Variants in ADK observed in about 807,000 individuals in gnomAD.
ADK encodes N6,N6-dimethyladenosine kinase.
In ADK, 24 loss-of-function variants were observed where a neutral mutation model predicts 44.7. That is an observed-to-expected ratio of 0.54 (90% CI 0.39 to 0.76). The LOEUF is 0.76. ADK is among the 30% of genes least tolerant of loss of function. ADK has a pLI of 0.00. For missense variants in ADK, 321 were observed against 425.1 expected (o/e 0.76, Z 2.15); for synonymous variants, 128 against 142.6 (o/e 0.90, Z 0.73).
intron 6 of ADK, among the ~76,000 whole-genome samples, chr10:74,469,410 G>A (rs2133283553): frequency 6.6e-6 from 1 of 152,062 alleles, no homozygotes; most frequent in Middle Eastern, 3.4e-3. Context: ...CCCAGAACTG[G>A]AGTGTAGTAG....
At chr10:74,238,511 C>CT (rs1460180420) in intron 3 of ADK, among the ~76,000 whole-genome samples, 1 of 151,940 alleles carries the variant, frequency 6.6e-6, no homozygotes. Context: ...TCCTAATTAC[C>CT]TTGTGCACTA....
chr10:74,195,707 C>CTTTTTTTTTTTTTTTTTTTTTTCT, intron 1 of ADK, among the ~76,000 whole-genome samples: 1 of 97,526 alleles, frequency 1.0e-5, no homozygotes, highest in Non-Finnish European at 1.9e-5. Flanking sequence ...TCTTTTCTTT[C>CTTTTTTTTTTTTTTTTTTTTTTCT]TTTTTTTTTT....
At chr10:74,509,196 ATTT>A (rs11431842) in intron 6 of ADK, among the ~76,000 whole-genome samples, 2 of 144,666 alleles carry the variant, frequency 1.4e-5, no homozygotes, top group Admixed American at 6.9e-5. Flanking sequence ...ATACATTATG[ATTT>A]TTTTTTTTTT....
intron 6 of ADK, among the ~76,000 whole-genome samples, chr10:74,504,933 G>T (rs1219118315): frequency 6.6e-6 from 1 of 152,088 alleles, no homozygotes; most frequent in Non-Finnish European, 1.5e-5. Flanking sequence ...GTCTTGGGCA[G>T]TTCTTTATAG....
intron 6 of ADK, among the ~76,000 whole-genome samples, chr10:74,475,172 T>C (rs1183526332): frequency 6.6e-6 from 1 of 152,030 alleles, no homozygotes. Flanking sequence ...CAAAAAACCC[T>C]TAATTGTCAT....
chr10:74,415,253 A>C (rs1844329324), intron 6 of ADK, among the ~76,000 whole-genome samples: 1 of 152,250 alleles, frequency 6.6e-6, no homozygotes, highest in African/African-American at 2.4e-5. Context: ...CAAATCATCT[A>C]CTGAAATATT....
chr10:74,567,138 T>C (rs186965302), intron 7 of ADK, among the ~76,000 whole-genome samples: 24 of 152,358 alleles, frequency 1.6e-4, no homozygotes, highest in African/African-American at 5.8e-4. Flanking sequence ...CAGGACTCTT[T>C]CTTTTTATCT....
At chr10:74,456,256 G>A (rs12268312) in intron 6 of ADK, among the ~76,000 whole-genome samples, 6,910 of 151,948 alleles carry the variant, frequency 0.045, 544 homozygotes, top group African/African-American at 0.16. Flanking sequence ...GCACCACATC[G>A]CCCTTACTCT....
At chr10:74,541,419 G>T (rs1849621426) in intron 7 of ADK, among the ~76,000 whole-genome samples, 1 of 152,050 alleles carries the variant, frequency 6.6e-6, no homozygotes, top group South Asian at 2.1e-4. Flanking sequence ...TCCAGTCCAG[G>T]TTGCTCACAT....
chr10:74,391,201 T>C (rs12265663), intron 4 of ADK, among the ~76,000 whole-genome samples: 6,849 of 152,258 alleles, frequency 0.045, 544 homozygotes, highest in African/African-American at 0.16. Context: ...TTATTTGCAT[T>C]ATTTTTTCTA....
chr10:74,631,277 TA>T (rs1349177259), intron 9 of ADK, among the ~76,000 whole-genome samples: 6 of 136,586 alleles, frequency 4.4e-5, no homozygotes, highest in Admixed American at 3.0e-4. Flanking sequence ...ATGATTTATT[TA>T]TTTTTTTTTT....
intron 4 of ADK, among the ~76,000 whole-genome samples, chr10:74,352,374 G>A (rs1161710401): frequency 6.6e-6 from 1 of 152,196 alleles, no homozygotes; most frequent in Non-Finnish European, 1.5e-5. Flanking sequence ...CTAGCCATAT[G>A]CAGAAAATTG....
chr10:74,610,617 ATAACC>A (rs745934075), intron 9 of ADK, among the ~76,000 whole-genome samples: 6 of 152,170 alleles, frequency 3.9e-5, no homozygotes, highest in Non-Finnish European at 8.8e-5. Flanking sequence ...AAAATTAAAC[ATAACC>A]TAAAGAGTAA....
intron 6 of ADK, among the ~76,000 whole-genome samples, chr10:74,474,431 CTTTTCTTTT>C (rs1196875686): frequency 6.6e-6 from 1 of 151,838 alleles, no homozygotes; most frequent in Non-Finnish European, 1.5e-5. Context: ...ATTCAGTAGT[CTTTTCTTTT>C]CTTTCTTTCT....
At chr10:74,407,402 A>G (rs948391658) in intron 6 of ADK, among the ~76,000 whole-genome samples, 2 of 152,138 alleles carry the variant, frequency 1.3e-5, no homozygotes, top group Admixed American at 6.5e-5. Context: ...TACTCATGCC[A>G]TATCTCTACA....
chr10:74,598,349 A>G (rs962928856), intron 8 of ADK, among the ~76,000 whole-genome samples: 1 of 151,942 alleles, frequency 6.6e-6, no homozygotes, highest in African/African-American at 2.4e-5. Flanking sequence ...AATTTGAGAC[A>G]TAAGAAACAT....
At chr10:74,253,307 A>G (rs1440942693) in intron 3 of ADK, among the ~76,000 whole-genome samples, 2 of 152,162 alleles carry the variant, frequency 1.3e-5, no homozygotes, top group Non-Finnish European at 2.9e-5. Context: ...CAGATTAAGG[A>G]GTGGTTTATG....
intron 6 of ADK, among the ~76,000 whole-genome samples, chr10:74,480,271 G>A (rs1347247543): frequency 1.3e-5 from 2 of 148,342 alleles, no homozygotes; most frequent in Non-Finnish European, 3.0e-5. Flanking sequence ...CTGTCACCCA[G>A]GCTGGAGTGC....
chr10:74,679,386 C>T (rs1564848852), intron 10 of ADK, among the ~76,000 whole-genome samples: 1 of 152,072 alleles, frequency 6.6e-6, no homozygotes, highest in Non-Finnish European at 1.5e-5. Context: ...GTTCAGTTTT[C>T]TTTCTTTATG....
Sources: allele counts gnomAD v4.1 joint callset (sites outside exome capture counted in the v4.1 genomes callset), GRCh38; gene constraint gnomAD v4.1.1; transcripts MANE v1.5; gene names NCBI Gene and HGNC (gene_info 2026-07-23, HGNC 2026-07-21).